DLGAP2: variants seen among roughly 807,000 people sequenced by gnomAD.
The protein encoded by DLGAP2 is disks large-associated protein 2.
Under a neutral mutation model 100.3 loss-of-function variants are expected in DLGAP2, and 26 were observed. That is an observed-to-expected ratio of 0.26 (90% CI 0.19 to 0.36). DLGAP2 has a LOEUF of 0.36. DLGAP2 is among the 10% of genes least tolerant of loss of function. The pLI, the probability that DLGAP2 is intolerant of heterozygous loss-of-function variation, is 1.00. For missense variants in DLGAP2, 1,858 were observed against 1,453.2 expected (o/e 1.28, Z -4.53); for synonymous variants, 886 against 630.1 (o/e 1.41, Z -6.08).
At chr8:1,416,793 G>C (rs895221166) in intron 3 of DLGAP2, among the ~76,000 whole-genome samples, 1 of 152,180 alleles carries the variant, frequency 6.6e-6, no homozygotes. Flanking sequence ...AATGTGGCTC[G>C]CGAGCACCCG....
intron 2 of DLGAP2, among the ~76,000 whole-genome samples, chr8:1,138,167 C>G (rs953159374): frequency 5.3e-5 from 8 of 152,236 alleles, no homozygotes; most frequent in African/African-American, 1.9e-4. Context: ...GGGGTGTCTC[C>G]CAGCTCACTG....
At chr8:1,256,357 GGGTGCTGTGTGTGTGTCC>G in intron 2 of DLGAP2, among the ~76,000 whole-genome samples, 2 of 133,498 alleles carry the variant, frequency 1.5e-5, no homozygotes, top group African/African-American at 3.0e-5. Context: ...TCTCCTGCCC[GGGTGCTGTGTGTGTGTCC>G]TCTCATCCTG....
intron 3 of DLGAP2, among the ~76,000 whole-genome samples, chr8:1,318,741 A>G (rs888209374): frequency 2.0e-5 from 3 of 149,294 alleles, no homozygotes; most frequent in Non-Finnish European, 3.0e-5. Flanking sequence ...ATATATTTTT[A>G]CTGTTTTCAT....
At chr8:1,039,590 G>A (rs866195194) in intron 2 of DLGAP2, among the ~76,000 whole-genome samples, 5 of 103,982 alleles carry the variant, frequency 4.8e-5, no homozygotes, top group Admixed American at 9.6e-5. Context: ...CTCGGTGTGC[G>A]TGGTCAGCTT....
intron 1 of DLGAP2, among the ~76,000 whole-genome samples, chr8:865,090 G>A (rs1345913899): frequency 6.6e-6 from 1 of 152,156 alleles, no homozygotes; most frequent in Non-Finnish European, 1.5e-5. Context: ...CGGTCTCATG[G>A]CCGCTGTCCC....
intron 2 of DLGAP2, among the ~76,000 whole-genome samples, chr8:1,101,812 CACG>C (rs1226708306): frequency 2.5e-4 from 8 of 31,656 alleles, no homozygotes; most frequent in African/African-American, 8.0e-4. Flanking sequence ...CCGAACACGA[CACG>C]ACGATGGGAA....
intron 3 of DLGAP2, among the ~76,000 whole-genome samples, chr8:1,352,911 C>A (rs150565567): frequency 1.3e-5 from 2 of 152,194 alleles, no homozygotes; most frequent in African/African-American, 4.8e-5. Flanking sequence ...GGCCTCCGGT[C>A]TTCCAGCTCA....
chr8:1,217,757 C>A (rs1798241871), intron 2 of DLGAP2, among the ~76,000 whole-genome samples: 1 of 152,062 alleles, frequency 6.6e-6, no homozygotes, highest in Non-Finnish European at 1.5e-5. Context: ...GTTATCTTTT[C>A]TCTGCAACCT....
chr8:1,191,583 C>G (rs1447029935), intron 2 of DLGAP2, among the ~76,000 whole-genome samples: 1 of 152,222 alleles, frequency 6.6e-6, no homozygotes, highest in Non-Finnish European at 1.5e-5. Context: ...CTCTGCACTT[C>G]TTACATAGAA....
At chr8:1,515,694 A>C (rs1266094240) in intron 4 of DLGAP2, among the ~76,000 whole-genome samples, 1 of 152,220 alleles carries the variant, frequency 6.6e-6, no homozygotes, top group Non-Finnish European at 1.5e-5. Context: ...CAACATGCAC[A>C]AATATGCAGA....
At chr8:951,607 T>C (rs897190868) in intron 2 of DLGAP2, among the ~76,000 whole-genome samples, 15 of 152,228 alleles carry the variant, frequency 9.9e-5, no homozygotes, top group African/African-American at 2.9e-4. Flanking sequence ...AATTATTGCG[T>C]TCATGAAGCT....
intron 2 of DLGAP2, among the ~76,000 whole-genome samples, chr8:1,209,350 T>C (rs1390305904): frequency 6.6e-6 from 1 of 152,086 alleles, no homozygotes; most frequent in Non-Finnish European, 1.5e-5. Flanking sequence ...TAGAGTGTAA[T>C]TTTTCTTTAT....
chr8:1,590,491 T>C (rs1405781968), intron 6 of DLGAP2, among the ~76,000 whole-genome samples: 1 of 152,210 alleles, frequency 6.6e-6, no homozygotes, highest in Non-Finnish European at 1.5e-5. Context: ...TGCTGCTGAC[T>C]ACTGGAAGGG....
At chr8:1,586,600 C>T (rs554461093) in intron 6 of DLGAP2, among the ~76,000 whole-genome samples, 3 of 152,162 alleles carry the variant, frequency 2.0e-5, no homozygotes, top group South Asian at 4.1e-4. Context: ...TGATGTGTAG[C>T]GTAACGTGTT....
At chr8:1,227,826 TACA>T (rs1208245714) in intron 2 of DLGAP2, among the ~76,000 whole-genome samples, 2 of 152,184 alleles carry the variant, frequency 1.3e-5, no homozygotes, top group Non-Finnish European at 2.9e-5. Context: ...AGATCTATCA[TACA>T]ACAGGAGAAT....
chr8:1,468,333 G>A (rs866394022), intron 3 of DLGAP2, among the ~76,000 whole-genome samples: 10 of 149,940 alleles, frequency 6.7e-5, no homozygotes, highest in Non-Finnish European at 1.0e-4. Context: ...CTGTTCACAC[G>A]GCGTGGATCT....
intron 1 of DLGAP2, among the ~76,000 whole-genome samples, chr8:871,604 A>G (rs2128991686): frequency 6.6e-6 from 1 of 152,366 alleles, no homozygotes. Flanking sequence ...GAGAGCTGAC[A>G]TGATGCTCAA....
intron 3 of DLGAP2, among the ~76,000 whole-genome samples, chr8:1,276,399 G>A (rs574751941): frequency 7.9e-5 from 12 of 152,170 alleles, no homozygotes; most frequent in African/African-American, 2.6e-4. Flanking sequence ...TTGGATCTTG[G>A]CCGCACGTTG....
At chr8:865,190 G>T (rs942381799) in intron 1 of DLGAP2, among the ~76,000 whole-genome samples, 1 of 152,192 alleles carries the variant, frequency 6.6e-6, no homozygotes, top group Non-Finnish European at 1.5e-5. Flanking sequence ...CGCTGGACAC[G>T]CTGTCTGCAA....
Sources: allele counts gnomAD v4.1 joint callset (sites outside exome capture counted in the v4.1 genomes callset), GRCh38; gene constraint gnomAD v4.1.1; transcripts MANE v1.5; gene names NCBI Gene and HGNC (gene_info 2026-07-23, HGNC 2026-07-21).